The following ASIC2 variants were observed in gnomAD, a reference collection of about 807,000 sequenced individuals.
The protein encoded by ASIC2 is acid sensing ion channel subunit 2.
ASIC2 carries 25 observed loss-of-function variants against 57.3 expected under a neutral mutation model. That is an observed-to-expected ratio of 0.44 (90% CI 0.32 to 0.61). The LOEUF (loss-of-function observed/expected upper bound fraction) is 0.61. ASIC2 is among the 20% of genes least tolerant of loss of function. The pLI is 0.06. For missense variants in ASIC2, 641 were observed against 738.1 expected, an observed-to-expected ratio of 0.87 and a Z score of 1.52; for synonymous variants, 319 against 307.5, an observed-to-expected ratio of 1.04 and a Z score of -0.39.
intron 1 of ASIC2, among the ~76,000 whole-genome samples, chr17:33,845,082 C>T (rs1737389723): frequency 6.6e-6 from 1 of 152,186 alleles, no homozygotes; most frequent in African/African-American, 2.4e-5. Context: ...GGTTCAGGAG[C>T]TGAATTGTCC....
intron 1 of ASIC2, among the ~76,000 whole-genome samples, chr17:33,919,626 A>G (rs1274009195): frequency 6.6e-6 from 1 of 152,258 alleles, no homozygotes; most frequent in Non-Finnish European, 1.5e-5. Context: ...ATAATTTATG[A>G]CAAAGTCTTC....
At chr17:33,705,634 C>G (rs1342150780) in intron 1 of ASIC2, among the ~76,000 whole-genome samples, 1 of 152,118 alleles carries the variant, frequency 6.6e-6, no homozygotes. Context: ...TGGTCACAAG[C>G]CCAGGAATGC....
intron 1 of ASIC2, among the ~76,000 whole-genome samples, chr17:34,134,412 G>C (rs367711842): frequency 2.5e-4 from 38 of 152,260 alleles, no homozygotes; most frequent in African/African-American, 8.7e-4. Flanking sequence ...AGTCCATCCG[G>C]GCAAGTTAGA....
intron 1 of ASIC2, among the ~76,000 whole-genome samples, chr17:33,687,247 C>T (rs750774173): frequency 4.6e-5 from 7 of 152,160 alleles, no homozygotes; most frequent in African/African-American, 1.7e-4. Context: ...AGTTCATGAA[C>T]GGAGTGGCGT....
intron 1 of ASIC2, among the ~76,000 whole-genome samples, chr17:33,221,070 C>A (rs1166320006): frequency 6.6e-6 from 1 of 151,426 alleles, no homozygotes; most frequent in Admixed American, 6.6e-5. Flanking sequence ...GAACTTGTCT[C>A]AAAAAAAATA....
chr17:33,976,011 C>T (rs568835057), intron 1 of ASIC2, among the ~76,000 whole-genome samples: 1 of 152,054 alleles, frequency 6.6e-6, no homozygotes, highest in Admixed American at 6.5e-5. Flanking sequence ...CTTTGCCTAT[C>T]TTCAGACCTC....
chr17:34,148,291 T>C (rs1904371662), intron 1 of ASIC2, among the ~76,000 whole-genome samples: 2 of 152,196 alleles, frequency 1.3e-5, no homozygotes, highest in South Asian at 4.1e-4. Context: ...CAGCTCTCAG[T>C]CATTGTCTTA....
intron 1 of ASIC2, among the ~76,000 whole-genome samples, chr17:33,504,318 T>G (rs551404031): frequency 1.3e-5 from 2 of 152,340 alleles, no homozygotes; most frequent in East Asian, 3.9e-4. Context: ...TACTATTGAC[T>G]TAGCCTGAAA....
intron 1 of ASIC2, among the ~76,000 whole-genome samples, chr17:33,607,045 G>A (rs11651059): frequency 0.33 from 49,570 of 152,010 alleles, 8,994 homozygotes; most frequent in Middle Eastern, 0.48. Context: ...CCAAGCCCCT[G>A]CTGAATCCCT....
intron 1 of ASIC2, among the ~76,000 whole-genome samples, chr17:33,389,465 T>C (rs1414028921): frequency 6.6e-6 from 1 of 152,214 alleles, no homozygotes; most frequent in Non-Finnish European, 1.5e-5. Flanking sequence ...ATTCTGTTAG[T>C]GGATTCTAGG....
intron 1 of ASIC2, chr17:33,955,366 C>G (rs1198579313): frequency 2.6e-5 from 4 of 152,146 alleles, no homozygotes; most frequent in Non-Finnish European, 5.9e-5. Flanking sequence ...TTCTTGCCAT[C>G]TGGGTTAACA....
Position 33,655,664 on chromosome 17 carries a change from G to A in ASIC2, c.555+500314C>T, listed in dbSNP as rs185342228. On this transcript the variant is annotated intron_variant, in intron 1 of 9. Transcript: ENST00000359872. Reference sequence around the variant, plus strand: ...TCTAATCCATCCTGTTCAGATCTGAGTTTGACTCTGCAAGGCTGCACCTCT... The same window carrying A: ...TCTAATCCATCCTGTTCAGATCTGAATTTGACTCTGCAAGGCTGCACCTCT... Among the ~76,000 whole-genome samples the A allele has an allele frequency of 1.4e-3, 218 of 152,306 alleles. 1 individual carries two copies. Among genetic ancestry groups the A allele is most frequent in the Non-Finnish European group, 2.5e-3 (167 of 68,026 alleles).
intron 1 of ASIC2, among the ~76,000 whole-genome samples, chr17:33,562,348 A>C (rs1916099278): frequency 6.6e-6 from 1 of 152,110 alleles, no homozygotes; most frequent in African/African-American, 2.4e-5. Flanking sequence ...AGTGTACGCT[A>C]GGTGCTTAGA....
chr17:33,308,196 C>G (rs1180145598), intron 1 of ASIC2, among the ~76,000 whole-genome samples: 1 of 152,164 alleles, frequency 6.6e-6, no homozygotes. Flanking sequence ...GATTCAATGG[C>G]CTTCAGCTTA....
At chr17:33,834,784 T>C (rs1258595764) in intron 1 of ASIC2, among the ~76,000 whole-genome samples, 1 of 152,206 alleles carries the variant, frequency 6.6e-6, no homozygotes, top group African/African-American at 2.4e-5. Context: ...CCTCTGTCTC[T>C]CCGTGGAACT....
chr17:33,745,390 A>G (rs1910227710), intron 1 of ASIC2, among the ~76,000 whole-genome samples: 2 of 140,270 alleles, frequency 1.4e-5, no homozygotes, highest in Admixed American at 1.5e-4. Flanking sequence ...TAATGGCTGA[A>G]AAACCCCAAA....
At chr17:33,137,483 T>C (rs1286231674) in intron 1 of ASIC2, among the ~76,000 whole-genome samples, 5 of 152,168 alleles carry the variant, frequency 3.3e-5, no homozygotes, top group Non-Finnish European at 7.3e-5. Context: ...AGACAACCAA[T>C]ATAGCATATA....
Position 33,291,950 on chromosome 17 carries a change from TGCGGGC to T in ASIC2, c.160_165del (p.Ala54_Arg55del). The T allele has an allele frequency of 6.6e-7, 1 of 1,507,630 alleles. No individual in the cohort carries two copies. Among genetic ancestry groups the T allele is most frequent in the Non-Finnish European group, 8.8e-7 (1 of 1,136,550 alleles). 93.4% of individuals were successfully genotyped at this position (1,507,630 alleles called of 1,614,324 possible). On this transcript the variant is annotated inframe_deletion, in exon 1 of 10. Transcript: ENST00000225823. ...GCGCGGCTCAGCGATGGCCGCCCCC[TGCGGGC>T]GACCCCTGGCCCCTGCAGCGCCCGC...
intron 1 of ASIC2, among the ~76,000 whole-genome samples, chr17:33,611,977 T>C (rs1463547364): frequency 1.3e-5 from 2 of 152,018 alleles, no homozygotes; most frequent in South Asian, 4.1e-4. Flanking sequence ...CTAGTTAGAG[T>C]CTGAAGGCCT....
Sources: gnomAD v4.1 joint callset for allele counts (sites outside exome capture counted in the v4.1 genomes callset) on GRCh38, gnomAD v4.1.1 for gene constraint, MANE v1.5 for transcripts, NCBI Gene and HGNC (gene_info 2026-07-23, HGNC 2026-07-21) for gene names.